Variants in CYP2C19 observed in about 807,000 individuals in gnomAD.
CYP2C19 encodes cytochrome P450 family 2 subfamily C member 19.
CYP2C19 carries 59 observed loss-of-function variants against 40.9 expected under a neutral mutation model. The observed-to-expected ratio is 1.44, with a 90% confidence interval of 1.17 to 1.79. CYP2C19 has a LOEUF of 1.79. Ranked by LOEUF, CYP2C19 falls within the 40% of genes most tolerant of loss-of-function variation. CYP2C19 has a pLI of 0.00. For missense variants in CYP2C19, 754 were observed against 596.9 expected, an observed-to-expected ratio of 1.26 and a Z score of -2.74; for synonymous variants, 253 against 208.7, an observed-to-expected ratio of 1.21 and a Z score of -1.83.
At chr10:94,852,466 T>C (rs568079822) in intron 8 of CYP2C19, among the ~76,000 whole-genome samples, 6 of 152,326 alleles carry the variant, frequency 3.9e-5, no homozygotes, top group African/African-American at 1.2e-4. Context: ...GTTGAATACA[T>C]GGTGCTTGAT....
intron 1 of CYP2C19, among the ~76,000 whole-genome samples, chr10:94,771,738 C>A (rs1848335908): frequency 2.6e-5 from 4 of 152,112 alleles, no homozygotes; most frequent in Admixed American, 6.5e-5. Context: ...CTGGACCCTG[C>A]TGATCAGAAT....
intron 5 of CYP2C19, among the ~76,000 whole-genome samples, chr10:94,791,159 G>T (rs571867237): frequency 1.3e-5 from 2 of 152,114 alleles, no homozygotes; most frequent in African/African-American, 4.8e-5. Flanking sequence ...TTGCGTAGAG[G>T]TGTTTATAGT....
intron 6 of CYP2C19, among the ~76,000 whole-genome samples, chr10:94,824,985 C>T (rs1849191708): frequency 7.0e-6 from 1 of 142,022 alleles, no homozygotes; most frequent in Non-Finnish European, 1.5e-5. Flanking sequence ...AGGACATGAA[C>T]TCATCATTTT....
At chr10:94,798,563 A>G (rs1481115937) in intron 5 of CYP2C19, among the ~76,000 whole-genome samples, 1 of 152,020 alleles carries the variant, frequency 6.6e-6, no homozygotes. Flanking sequence ...CTTTTGTCTC[A>G]TTGATCTGTT....
At chr10:94,842,039 C>G (rs1181602706) in intron 6 of CYP2C19, among the ~76,000 whole-genome samples, 1 of 152,138 alleles carries the variant, frequency 6.6e-6, no homozygotes, top group Non-Finnish European at 1.5e-5. Context: ...AGTTCAATAT[C>G]TCCTTGTTGA....
At chr10:94,839,189 C>T (rs1849451702) in intron 6 of CYP2C19, among the ~76,000 whole-genome samples, 1 of 152,176 alleles carries the variant, frequency 6.6e-6, no homozygotes, top group South Asian at 2.1e-4. Context: ...ACCGATGTAG[C>T]AGTCCTGCAT....
chr10:94,826,013 C>G (rs1216452774), intron 6 of CYP2C19, among the ~76,000 whole-genome samples: 1 of 149,648 alleles, frequency 6.7e-6, no homozygotes, highest in Non-Finnish European at 1.5e-5. Flanking sequence ...TTCCATTGAT[C>G]TATATCTCTG....
chr10:94,802,306 CTG>C (rs1848777678), intron 5 of CYP2C19, among the ~76,000 whole-genome samples: 1 of 152,180 alleles, frequency 6.6e-6, no homozygotes, highest in African/African-American at 2.4e-5. Flanking sequence ...AGAAGTCCAG[CTG>C]GCTTCACCTC....
chr10:94,838,237 A>C (rs1168346641), intron 6 of CYP2C19, among the ~76,000 whole-genome samples: 1 of 152,116 alleles, frequency 6.6e-6, no homozygotes, highest in African/African-American at 2.4e-5. Flanking sequence ...GAGGGTCTAC[A>C]CTGGGAACTG....
At chr10:94,844,581 C>T (rs1589377306) in intron 7 of CYP2C19, among the ~76,000 whole-genome samples, 2 of 151,976 alleles carry the variant, frequency 1.3e-5, no homozygotes, top group Admixed American at 1.3e-4. Flanking sequence ...ATAATATAAC[C>T]TAAAGTTATA....
At chr10:94,767,630 G>T (rs916203315) in intron 1 of CYP2C19, among the ~76,000 whole-genome samples, 1 of 152,168 alleles carries the variant, frequency 6.6e-6, no homozygotes, top group Non-Finnish European at 1.5e-5. Flanking sequence ...CACCTCAGAG[G>T]CTTTGACTAC....
At chr10:94,787,590 T>C (rs1848559146) in intron 5 of CYP2C19, among the ~76,000 whole-genome samples, 1 of 152,154 alleles carries the variant, frequency 6.6e-6, no homozygotes, top group Non-Finnish European at 1.5e-5. Context: ...TCCAGAATGG[T>C]ATTACATATA....
rs780225316 is a variant in CYP2C19, at chr10:94,849,980, G to C, written c.1213G>C (p.Glu405Gln). 2.5e-6 allele frequency: 4 copies of C among 1,613,746 alleles called. No individual in the cohort carries two copies. Among genetic ancestry groups the C allele is most frequent in the Non-Finnish European group, 3.4e-6 (4 of 1,179,802 alleles). The change falls in exon 8 of 9, where the codon GAG (glutamate) becomes CAG (glutamine). Residue 405 changes from glutamate (E) to glutamine (Q), a missense_variant. Physicochemically the swap from Glu to Gln is conservative, Grantham distance 29. Coordinates refer to ENST00000371321, the MANE Select transcript of CYP2C19 (RefSeq NM_000769.4). The stretch of plus-strand genomic sequence containing the variant: ...TGACAACAAAGAATTTCCCAACCCA[G>C]AGATGTTTGACCCTCGTCACTTTCT... Reference protein sequence around the residue: ...LHDNKEFPNPEMFDPRHFLDE... With the variant: ...LHDNKEFPNPQMFDPRHFLDE...
In CYP2C19 at chr10:94,854,599, T is replaced by C. The variant is rs1849704636; in HGVS notation, c.*1685T>C. 1.3e-5 allele frequency among the ~76,000 whole-genome samples: 2 copies of C among 152,036 alleles called. No individual in the cohort carries two copies. The highest frequency in any genetic ancestry group is 2.9e-5 in the Non-Finnish European group (2 of 68,002). ...CAAGCTACTTACAATTTGGAATACA[T>C]TTAAAGATAATATATGGGTACAGAT... On this transcript the variant is annotated 3_prime_UTR_variant, in exon 9 of 9. Transcript: ENST00000371321.
intron 1 of CYP2C19, among the ~76,000 whole-genome samples, chr10:94,772,030 G>T (rs1848340824): frequency 6.6e-6 from 1 of 152,106 alleles, no homozygotes; most frequent in Admixed American, 6.5e-5. Context: ...ACCTGTTAGA[G>T]TCCTAAGTGT....
At chr10:94,835,667 G>A (rs540442218) in intron 6 of CYP2C19, among the ~76,000 whole-genome samples, 10 of 152,036 alleles carry the variant, frequency 6.6e-5, no homozygotes, top group South Asian at 2.1e-4. Context: ...ATCTCCTAAC[G>A]GCTTCCTGAG....
At chr10:94,820,453 C>A (rs368358333) in intron 5 of CYP2C19, 43 bp from the exon 6 acceptor site, 2 of 1,606,166 alleles carry the variant, frequency 1.2e-6, no homozygotes, top group Non-Finnish European at 1.7e-6. Context: ...ATCAAATATG[C>A]TGTTAAATAA....
At chr10:94,826,489 G>C (rs866653333) in intron 6 of CYP2C19, among the ~76,000 whole-genome samples, 12 of 152,162 alleles carry the variant, frequency 7.9e-5, no homozygotes, top group African/African-American at 2.9e-4. Flanking sequence ...GAATGCTTGT[G>C]ATTTTTGTAC....
chr10:94,836,557 T>C (rs1290766843), intron 6 of CYP2C19, among the ~76,000 whole-genome samples: 3 of 152,216 alleles, frequency 2.0e-5, no homozygotes, highest in Non-Finnish European at 2.9e-5. Flanking sequence ...TTAGTGTATA[T>C]AATGGTCTGT....
Sources: gnomAD v4.1 joint callset for allele counts (sites outside exome capture counted in the v4.1 genomes callset) on GRCh38, gnomAD v4.1.1 for gene constraint, MANE v1.5 for transcripts, NCBI Gene and HGNC (gene_info 2026-07-23, HGNC 2026-07-21) for gene names.